The following SUPT20H variants were observed in gnomAD, a reference collection of about 807,000 sequenced individuals.
SUPT20H encodes the protein transcription factor SPT20 homolog.
Under a neutral mutation model 122.8 loss-of-function variants are expected in SUPT20H, and 82 were observed. That is an observed-to-expected ratio of 0.67 (90% CI 0.56 to 0.80). SUPT20H has a LOEUF of 0.80. SUPT20H is among the 30% of genes least tolerant of loss of function. The probability of loss-of-function intolerance (pLI) is 0.00; values close to 1 mark genes in which losing one functional copy is unlikely to be tolerated. For missense variants in SUPT20H, 831 were observed against 921.6 expected, an observed-to-expected ratio of 0.90 and a Z score of 1.27; for synonymous variants, 291 against 313.0, an observed-to-expected ratio of 0.93 and a Z score of 0.74.
At position 37,024,331 on chromosome 13, in the gene SUPT20H, A is replaced by G. The variant is rs2061846607; in HGVS notation, c.1432+9T>C. ...ATTCTAGACTGCAAAAAACTAAGAA[A>G]TGTAATACCTGAGGAACTATTTCCT... On this transcript the variant is annotated intron_variant, in intron 18 of 25. Transcript: ENST00000350612. 1.3e-6 allele frequency: 2 copies of G among 1,561,212 alleles called. No homozygotes were observed. Among genetic ancestry groups the G allele is most frequent in the Non-Finnish European group, 1.7e-6 (2 of 1,159,730 alleles).
At position 37,044,167 on chromosome 13, in the gene SUPT20H, G is replaced by A; in HGVS notation, c.307C>T (p.Arg103Ter). 4.3e-6 allele frequency: 7 copies of A among 1,610,346 alleles called. No individual in the cohort carries two copies. Among genetic ancestry groups the A allele is most frequent in the Admixed American group, 1.7e-5 (1 of 59,704 alleles). ...AACTCTCCTTCTTCATAGGGCAGTC[G>A]AATGGTCTCGGAATCTTAATTTAAA... is the stretch of plus-strand genomic sequence containing the variant. ...GKNGSDSETI[R>*]LPYEEGELLE... Residue 103 changes from arginine (R) to a stop codon, truncating the protein, a stop_gained, in exon 7 of 26, where the codon CGA (arginine) becomes TGA (stop). Transcript: ENST00000350612. LOFTEE classifies it high-confidence loss of function.
At chr13:37,029,668 TC>T in intron 13 of SUPT20H, 96 bp downstream of exon 13, 1 of 992,200 alleles carries the variant, frequency 1.0e-6, no homozygotes, top group South Asian at 1.6e-5. Flanking sequence ...AGAAAAAAGG[TC>T]CCAAACTAAT....
intron 5 of SUPT20H, chr13:37,046,884 T>G (rs1260452934): frequency 3.3e-5 from 5 of 152,214 alleles, no homozygotes; most frequent in Non-Finnish European, 5.9e-5. Flanking sequence ...AGTTAGACAC[T>G]ACTGGAATTC....
At chr13:37,044,358 T>TA (rs752540278) in intron 6 of SUPT20H, among the ~76,000 whole-genome samples, 177 bp from the exon 7 acceptor site, 2 of 151,578 alleles carry the variant, frequency 1.3e-5, no homozygotes, top group Non-Finnish European at 2.9e-5. Flanking sequence ...ATGTCCTTCT[T>TA]AAGGGGGAAA....
At chr13:37,023,137 C>T in intron 19 of SUPT20H, 2 of 1,097,352 alleles carry the variant, frequency 1.8e-6, no homozygotes, top group Non-Finnish European at 2.3e-6. Context: ...TTACCATAAT[C>T]CATACCCACA....
At position 37,028,170 on chromosome 13, in the gene SUPT20H, C is replaced by A. The variant is rs766664210; in HGVS notation, c.1129G>T (p.Asp377Tyr). 1.9e-6 allele frequency: 3 copies of A among 1,607,466 alleles called. No individual in the cohort carries two copies. Among genetic ancestry groups the A allele is most frequent in the Non-Finnish European group, 2.5e-6 (3 of 1,177,646 alleles). The change falls in exon 14 of 26, where the codon GAC becomes TAC. Residue 377 changes from aspartate to tyrosine, a missense_variant. Coordinates refer to ENST00000350612, the MANE Select transcript of SUPT20H (RefSeq NM_001014286.3). ...CACTGTGATGGAGACATCTGGCTGTCACTTTCTTCATCTGCTTTACATGGC... is the reference window on the plus strand; with the variant it reads ...CACTGTGATGGAGACATCTGGCTGTAACTTTCTTCATCTGCTTTACATGGC... ...IQPCKADEES[D>Y]SQMSPSHSST...
intron 1 of SUPT20H, among the ~76,000 whole-genome samples, chr13:37,053,334 T>C (rs968683132): frequency 1.3e-5 from 2 of 150,838 alleles, no homozygotes; most frequent in African/African-American, 5.0e-5. Context: ...CATGGAATAC[T>C]ATGCAGCCAT....
Position 37,022,749 on chromosome 13 carries a change from A to C in SUPT20H, c.1592-669T>G, listed in dbSNP as rs2061602748. ...AAACTGTAAACATATTTAATAAGTT[A>C]CATATGGTTAACAATCATATTTGGC... On this transcript the variant is annotated intron_variant, in intron 19 of 25. Coordinates refer to ENST00000350612, the MANE Select transcript of SUPT20H (RefSeq NM_001014286.3). The surrounding 1 kb of genome is among the most constrained non-coding windows in gnomAD (Gnocchi z 4.5). The C allele has an allele frequency of 1.0e-6, 1 of 999,950 alleles. No individual in the cohort carries two copies. Among genetic ancestry groups the C allele is most frequent in the Admixed American group, 5.5e-5 (1 of 18,254 alleles). 61.9% of individuals were successfully genotyped at this position (999,950 alleles called of 1,614,324 possible).
chr13:37,030,651 T>C (rs1411073200), intron 12 of SUPT20H, among the ~76,000 whole-genome samples: 1 of 152,202 alleles, frequency 6.6e-6, no homozygotes, highest in African/African-American at 2.4e-5. Flanking sequence ...TCAGACTTGC[T>C]GAGTAGCAAC....
At chr13:37,040,842 A>G (rs1014474551) in intron 7 of SUPT20H, 150 bp from the exon 8 acceptor site, 2 of 609,122 alleles carry the variant, frequency 3.3e-6, no homozygotes, top group South Asian at 4.4e-5. Flanking sequence ...GGTAGATTTA[A>G]CACTATGTAA....
At chr13:37,025,526 G>A in intron 16 of SUPT20H, 89 bp from the exon 17 acceptor site, 2 of 814,816 alleles carry the variant, frequency 2.5e-6, no homozygotes, top group East Asian at 2.7e-5. Flanking sequence ...ACTATTAATG[G>A]CAAAAAGAAA....
At chr13:37,024,919 C>G (rs1223069274) in intron 17 of SUPT20H, 2 of 178,286 alleles carry the variant, frequency 1.1e-5, no homozygotes, top group Admixed American at 1.1e-4. Flanking sequence ...CAAAACTAAA[C>G]TGTACCCCCG....
chr13:37,040,362 C>T (rs369611507), intron 9 of SUPT20H, 43 bp downstream of exon 9: 4 of 1,489,932 alleles, frequency 2.7e-6, no homozygotes, highest in South Asian at 1.3e-5. Flanking sequence ...TTTTTTTCAT[C>T]CTATATTTTG....
At chr13:37,019,748 T>C (rs1348459752) in intron 21 of SUPT20H, among the ~76,000 whole-genome samples, 1 of 152,186 alleles carries the variant, frequency 6.6e-6, no homozygotes, top group East Asian at 1.9e-4. Flanking sequence ...ATTCCAGGTA[T>C]TGGCATCTAT....
intron 12 of SUPT20H, 35 bp downstream of exon 12, chr13:37,031,532 T>C: frequency 7.0e-7 from 1 of 1,421,574 alleles, no homozygotes; most frequent in Non-Finnish European, 9.4e-7. Context: ...CTGAGAAACT[T>C]TATATGAAAA....
chr13:37,053,369 T>C (rs2068166640), intron 1 of SUPT20H, among the ~76,000 whole-genome samples: 1 of 152,166 alleles, frequency 6.6e-6, no homozygotes, highest in African/African-American at 2.4e-5. Context: ...TCATGTCCTT[T>C]GCAGTGACAT....
In SUPT20H at chr13:37,028,060, A is replaced by C. The variant is rs114161184; in HGVS notation, c.1151+88T>G. ...AGTGAGTTCCCAAAGAGAAATTTTT[A>C]TTCATTAATGGTTCATCAGTAGTTA... On this transcript the variant is annotated intron_variant, in intron 14 of 25. Transcript: ENST00000350612. 2.3e-4 allele frequency: 286 copies of C among 1,239,448 alleles called. 2 individuals are homozygous for C. The African/African-American group carries it at 4.1e-3, about 18-fold the overall frequency. 76.8% of individuals were successfully genotyped at this position (1,239,448 alleles called of 1,614,324 possible).
At chr13:37,040,283 T>G (rs1173618905) in intron 9 of SUPT20H, 122 bp downstream of exon 9, 1 of 875,028 alleles carries the variant, frequency 1.1e-6, no homozygotes, top group East Asian at 2.7e-5. Context: ...ATACCAGCTT[T>G]TCACATAAAG....
At chr13:37,029,430 G>C (rs2139854109) in intron 13 of SUPT20H, among the ~76,000 whole-genome samples, 1 of 152,262 alleles carries the variant, frequency 6.6e-6, no homozygotes, top group South Asian at 2.1e-4. Flanking sequence ...TCAGGAGGCT[G>C]AGGCAGGAGA....
Sources: allele counts gnomAD v4.1 joint callset (sites outside exome capture counted in the v4.1 genomes callset), GRCh38; gene constraint gnomAD v4.1.1; non-coding constraint Gnocchi (gnomAD v3.1); transcripts MANE v1.5; gene names NCBI Gene and HGNC (gene_info 2026-07-23, HGNC 2026-07-21).